BCOR: variants seen among roughly 807,000 people sequenced by gnomAD.
BCOR encodes the protein BCL6 corepressor.
BCOR carries 10 observed loss-of-function variants against 86.7 expected under a neutral mutation model. The observed-to-expected ratio is 0.12, with a 90% confidence interval of 0.07 to 0.20. The LOEUF is 0.20. Among genes scored for constraint, BCOR ranks in the 10% least tolerant of loss-of-function variants. The probability of loss-of-function intolerance (pLI) is 1.00; values close to 1 mark genes in which losing one functional copy is unlikely to be tolerated. For missense variants in BCOR, 1,259 were observed against 1,452.1 expected (o/e 0.87, Z 2.16); for synonymous variants, 611 against 609.0 (o/e 1.00, Z -0.05).
At chrX:40,079,528 T>C (rs1045086662) in intron 1 of BCOR, among the ~76,000 whole-genome samples, 18 of 111,222 alleles carry the variant, frequency 1.6e-4, no homozygotes, top group African/African-American at 5.6e-4. Flanking sequence ...TTAACCAAAA[T>C]CCACATGCAG....
chrX:40,111,727 A>G (rs112066776), intron 1 of BCOR, among the ~76,000 whole-genome samples: 2 of 112,343 alleles, frequency 1.8e-5, no homozygotes, highest in African/African-American at 6.5e-5. Flanking sequence ...TGTGTGCATT[A>G]AAGATTTCCA....
rs767680321 is a variant in BCOR, at chrX:40,154,703, T to G, written c.-41+22304A>C. ...TCGTGCTGTTCCTTGTGTCTGTGTC[T>G]GTGCAGAGGAAGGGCAGTGCAGGGA... On this transcript the variant is annotated intron_variant, in intron 1 of 14. Transcript: ENST00000342274. Among the ~76,000 whole-genome samples the G allele has an allele frequency of 2.5e-3, 281 of 111,697 alleles. 1 individual carries two copies. Among genetic ancestry groups the G allele is most frequent in the Non-Finnish European group, 4.3e-3 (230 of 53,000 alleles).
chrX:40,173,146 C>G (rs1310932256), intron 1 of BCOR, among the ~76,000 whole-genome samples: 1 of 111,995 alleles, frequency 8.9e-6, no homozygotes, highest in African/African-American at 3.2e-5. Context: ...AAACAGATCA[C>G]TTTCATTACA....
chrX:40,053,879 T>C lies in BCOR; in HGVS notation c.4976+7A>G, dbSNP rs1934449202. 2 of 1,210,706 alleles carry C rather than the reference T, an allele frequency of 1.7e-6. No individual in the cohort carries two copies. The highest frequency in any genetic ancestry group is 5.9e-5 in the East Asian group (2 of 33,838). ...CTAGTTTTCAATCACATGACAGCCA[T>C]GCTCACCCCTGAGCCACAGATACTT... On this transcript the variant is annotated splice_region_variant and intron_variant, in intron 14 of 14. Transcript: ENST00000378444.
intron 1 of BCOR, among the ~76,000 whole-genome samples, chrX:40,106,191 C>G (rs1383532736): frequency 8.9e-6 from 1 of 111,988 alleles, no homozygotes; most frequent in Non-Finnish European, 1.9e-5. Flanking sequence ...CCTCACCCAC[C>G]CCCCACCTCC....
intron 10 of BCOR, among the ~76,000 whole-genome samples, chrX:40,060,038 T>C (rs1277704498): frequency 8.9e-6 from 1 of 112,069 alleles, no homozygotes; most frequent in African/African-American, 3.2e-5. Context: ...TGTGGTATCT[T>C]TTTAGCTAAG....
rs894834606 is a variant in BCOR at position 40,077,076 on chromosome X, CT to C, written c.87-545del. 1.2e-5 allele frequency: 3 copies of C among 251,191 alleles called. 1 individual carries two copies. Among genetic ancestry groups the C allele is most frequent in the Middle Eastern group, 1.1e-3 (2 of 1,858 alleles). The allele number at this position is 251,191 out of a possible 1,213,427, so 20.7% of individuals were successfully genotyped here. A position where few individuals can be genotyped will look rare whatever the true frequency, so the allele number is the denominator to read the frequency against. On this transcript the variant is annotated intron_variant, in intron 2 of 14. Transcript: ENST00000378444. ...ATGGTGATAAAAAAGCCATATTTGA[CT>C]GCCTTTGTCAAAATGACAGGGGGAT... is the stretch of plus-strand genomic sequence containing the variant.
At chrX:40,143,680 G>C (rs1937974401) in intron 1 of BCOR, among the ~76,000 whole-genome samples, 1 of 113,117 alleles carries the variant, frequency 8.8e-6, no homozygotes, top group Non-Finnish European at 1.9e-5. Context: ...CTTTTGGCCA[G>C]GCGTGGTGGC....
At chrX:40,131,042 T>C (rs769002620) in intron 1 of BCOR, among the ~76,000 whole-genome samples, 66 of 111,904 alleles carry the variant, frequency 5.9e-4, no homozygotes, top group African/African-American at 2.1e-3. Context: ...CTCATGACCG[T>C]GAGACAGAAG....
Position 40,077,784 on chromosome X carries a change from AG to A in BCOR, c.86+59del, listed in dbSNP as rs1217894725. ...GGCCCACGGTGGCTGTGAGAAGTTG[AG>A]GGGGGCTTCAGCATGGGCGTGGGCT... On this transcript the variant is annotated intron_variant, in intron 2 of 14. Coordinates refer to ENST00000378444, the MANE Select transcript of BCOR (RefSeq NM_001123385.2). The A allele has an allele frequency of 1.0e-5, 11 of 1,086,289 alleles. No individual in the cohort carries two copies. The South Asian group carries it at 1.5e-4, about 15-fold the overall frequency. The allele number at this position is 1,086,289 out of a possible 1,213,427, so 89.5% of individuals were successfully genotyped here.
intron 1 of BCOR, among the ~76,000 whole-genome samples, chrX:40,150,103 T>C (rs1415181900): frequency 8.9e-6 from 1 of 112,720 alleles, no homozygotes; most frequent in East Asian, 2.8e-4. Context: ...TTTTCAGGCC[T>C]GAAGAGGAAC....
At chrX:40,087,137 C>G (rs927712911) in intron 1 of BCOR, among the ~76,000 whole-genome samples, 1 of 113,218 alleles carries the variant, frequency 8.8e-6, no homozygotes, top group Non-Finnish European at 1.9e-5. Flanking sequence ...GGGGCCGGGA[C>G]AGGGAGGTCT....
At chrX:40,145,317 C>T (rs970996183) in intron 1 of BCOR, among the ~76,000 whole-genome samples, 1 of 111,898 alleles carries the variant, frequency 8.9e-6, no homozygotes, top group Non-Finnish European at 1.9e-5. Flanking sequence ...CAGCTCTGGG[C>T]AACTCAGCCC....
chrX:40,160,958 A>T (rs1279306525), intron 1 of BCOR, among the ~76,000 whole-genome samples: 1 of 105,753 alleles, frequency 9.5e-6, no homozygotes, highest in Non-Finnish European at 1.9e-5. Flanking sequence ...TACAGGCGTG[A>T]GTCACCGAAC....
intron 1 of BCOR, among the ~76,000 whole-genome samples, chrX:40,173,112 G>A (rs1938665812): frequency 1.8e-5 from 2 of 111,901 alleles, no homozygotes; most frequent in Admixed American, 1.9e-4. Flanking sequence ...TTGGGGTCCA[G>A]GCAGTCCTCT....
intron 1 of BCOR, among the ~76,000 whole-genome samples, chrX:40,133,988 T>C (rs1188288799): frequency 9.1e-6 from 1 of 110,250 alleles, no homozygotes; most frequent in Non-Finnish European, 1.9e-5. Context: ...GCTGTGACAA[T>C]AAGCACAAAG....
In BCOR at chrX:40,167,990, G is replaced by A. The variant is rs181321159; in HGVS notation, c.-41+9017C>T. On this transcript the variant is annotated intron_variant, in intron 1 of 14. Coordinates refer to the BCOR transcript ENST00000342274. ...CTTCGATTCCCCGCTACCTACGCTA[G>A]CGCTGGCTCCTCTCCTCCCTTTCCC... is the stretch of plus-strand genomic sequence containing the variant. 1.4e-3 allele frequency among the ~76,000 whole-genome samples: 159 copies of A among 112,588 alleles called. 1 individual carries two copies. The highest frequency in any genetic ancestry group is 4.7e-3 in the African/African-American group (147 of 31,025).
At chrX:40,098,090 C>T (rs1193220671), upstream of BCOR, among the ~76,000 whole-genome samples, 3 of 95,901 alleles carry the variant, frequency 3.1e-5, no homozygotes, top group Admixed American at 1.1e-4. Context: ...TCCCCTCCCC[C>T]CGCAGGCGCA....
At chrX:40,106,105 G>A (rs1278042573) in intron 1 of BCOR, among the ~76,000 whole-genome samples, 2 of 111,647 alleles carry the variant, frequency 1.8e-5, no homozygotes, top group Non-Finnish European at 3.8e-5. Flanking sequence ...CCTAGGGAAG[G>A]GCCAATGGAC....
Sources: gnomAD v4.1 joint callset for allele counts (sites outside exome capture counted in the v4.1 genomes callset) on GRCh38, gnomAD v4.1.1 for gene constraint, MANE v1.5 for transcripts, NCBI Gene and HGNC (gene_info 2026-07-23, HGNC 2026-07-21) for gene names.